The following HECW1 variants were observed in gnomAD, a reference collection of about 807,000 sequenced individuals.
HECW1 encodes the protein E3 ubiquitin-protein ligase HECW1.
In HECW1, 61 loss-of-function variants were observed where a neutral mutation model predicts 182.3. That is an observed-to-expected ratio of 0.33 (90% CI 0.27 to 0.41). The LOEUF is 0.41. Among genes scored for constraint, HECW1 ranks in the 10% least tolerant of loss-of-function variants. The pLI, the probability that HECW1 is intolerant of heterozygous loss-of-function variation, is 1.00. For synonymous variants in HECW1, 859 were observed against 832.6 expected (o/e 1.03, Z -0.55); for missense variants, 1,739 against 2,108.9 (o/e 0.82, Z 3.44).
chr7:43,463,270 G>T (rs562508591), intron 13 of HECW1, among the ~76,000 whole-genome samples: 1 of 152,320 alleles, frequency 6.6e-6, no homozygotes, highest in African/African-American at 2.4e-5. Context: ...TGCTAGCCCA[G>T]TTTGTACACT....
chr7:43,293,219 CAAAAAAA>C (rs34748611), intron 3 of HECW1, among the ~76,000 whole-genome samples: 1 of 76,590 alleles, frequency 1.3e-5, no homozygotes, highest in African/African-American at 4.3e-5. Flanking sequence ...GACTATGTCT[CAAAAAAA>C]AAAAAAAAAA....
intron 2 of HECW1, among the ~76,000 whole-genome samples, chr7:43,169,843 T>G (rs1791500979): frequency 6.6e-6 from 1 of 152,120 alleles, no homozygotes; most frequent in Non-Finnish European, 1.5e-5. Flanking sequence ...CATCTCATCT[T>G]CCTCCTCATG....
intron 16 of HECW1, among the ~76,000 whole-genome samples, chr7:43,478,247 TCTGTA>T (rs1476103715): frequency 1.3e-5 from 2 of 152,054 alleles, no homozygotes; most frequent in Non-Finnish European, 2.9e-5. Flanking sequence ...AGAAACCCCA[TCTGTA>T]CTAAAAATAC....
At chr7:43,355,510 A>ATAAG (rs985698674) in intron 5 of HECW1, among the ~76,000 whole-genome samples, 33 of 150,824 alleles carry the variant, frequency 2.2e-4, no homozygotes, top group Non-Finnish European at 4.0e-4. Flanking sequence ...GTGATCTAAG[A>ATAAG]TAAGTTGTCA....
chr7:43,252,812 T>G (rs1800174855), intron 3 of HECW1, among the ~76,000 whole-genome samples: 1 of 152,254 alleles, frequency 6.6e-6, no homozygotes, highest in Non-Finnish European at 1.5e-5. Context: ...GAAAGTAGTC[T>G]TGCAGTGTAG....
At chr7:43,530,429 TA>T (rs1280056656) in intron 24 of HECW1, among the ~76,000 whole-genome samples, 1 of 152,094 alleles carries the variant, frequency 6.6e-6, no homozygotes, top group African/African-American at 2.4e-5. Flanking sequence ...TGAAAAAATT[TA>T]ATATACATAA....
intron 6 of HECW1, among the ~76,000 whole-genome samples, chr7:43,389,851 T>C: frequency 6.6e-6 from 1 of 152,066 alleles, no homozygotes; most frequent in East Asian, 1.9e-4. Flanking sequence ...CAGGCTGATT[T>C]TGAACTCCTG....
At chr7:43,117,580 T>G (rs2152596031) in intron 2 of HECW1, among the ~76,000 whole-genome samples, 1 of 152,354 alleles carries the variant, frequency 6.6e-6, no homozygotes, top group Non-Finnish European at 1.5e-5. Context: ...CGATATTGTT[T>G]ATCGTTTACG....
At chr7:43,341,817 CT>C (rs1813037389) in intron 5 of HECW1, among the ~76,000 whole-genome samples, 1 of 151,720 alleles carries the variant, frequency 6.6e-6, no homozygotes, top group Non-Finnish European at 1.5e-5. Flanking sequence ...AAAATTTTGA[CT>C]GTCAATATGA....
At chr7:43,462,202 C>T (rs1257850741) in intron 13 of HECW1, among the ~76,000 whole-genome samples, 1 of 151,998 alleles carries the variant, frequency 6.6e-6, no homozygotes, top group African/African-American at 2.4e-5. Flanking sequence ...TCCTCCTCTT[C>T]ACCCCCTCCC....
intron 5 of HECW1, among the ~76,000 whole-genome samples, chr7:43,336,359 G>A (rs1812291135): frequency 6.6e-6 from 1 of 151,566 alleles, no homozygotes; most frequent in Admixed American, 6.6e-5. Context: ...TTTAGAGATG[G>A]GGTCTTACTA....
intron 26 of HECW1, among the ~76,000 whole-genome samples, chr7:43,542,642 A>G (rs1415478713): frequency 3.3e-5 from 5 of 152,200 alleles, no homozygotes; most frequent in Non-Finnish European, 2.9e-5. Context: ...TCATGCTGCT[A>G]TGAACATGAG....
intron 26 of HECW1, among the ~76,000 whole-genome samples, chr7:43,546,406 TC>T (rs2081565039): frequency 6.6e-6 from 1 of 152,034 alleles, no homozygotes; most frequent in Non-Finnish European, 1.5e-5. Context: ...GCATAACTTT[TC>T]CAGAATTTCA....
intron 29 of HECW1, among the ~76,000 whole-genome samples, chr7:43,560,065 A>T (rs2082158855): frequency 1.3e-5 from 2 of 152,122 alleles, no homozygotes; most frequent in Admixed American, 1.3e-4. Flanking sequence ...GAGGAAGAAA[A>T]CTATGAAGAT....
intron 6 of HECW1, among the ~76,000 whole-genome samples, chr7:43,394,838 T>C (rs952732072): frequency 3.3e-5 from 5 of 152,232 alleles, no homozygotes; most frequent in Non-Finnish European, 7.3e-5. Context: ...AGTTTATTAT[T>C]ACTCAAATCC....
chr7:43,194,654 C>T (rs1794255745), intron 2 of HECW1, among the ~76,000 whole-genome samples: 1 of 151,872 alleles, frequency 6.6e-6, no homozygotes, highest in African/African-American at 2.4e-5. Flanking sequence ...TGGATTCAAC[C>T]AGGAAAATGC....
At chr7:43,131,276 T>G (rs962385343) in intron 2 of HECW1, among the ~76,000 whole-genome samples, 2 of 152,130 alleles carry the variant, frequency 1.3e-5, no homozygotes, top group Non-Finnish European at 2.9e-5. Flanking sequence ...AAAAAAAATT[T>G]TTTTTGTATT....
intron 6 of HECW1, among the ~76,000 whole-genome samples, chr7:43,371,387 C>T (rs559643765): frequency 1.3e-5 from 2 of 152,182 alleles, no homozygotes; most frequent in East Asian, 1.9e-4. Flanking sequence ...GGAGGCTGTG[C>T]GTGTGTGGGG....
Position 43,444,759 on chromosome 7 carries a change from G to C in HECW1, c.1587G>C (p.Lys529Asn), listed in dbSNP as rs752935803. The C allele has an allele frequency of 6.2e-7, 1 of 1,613,936 alleles. No homozygotes were observed. The highest frequency in any genetic ancestry group is 8.5e-7 in the Non-Finnish European group (1 of 1,179,998). Residue 529 changes from lysine to asparagine, a missense_variant, in exon 11 of 30, where the codon AAG (lysine) becomes AAC (asparagine). This residue lies in a region of HECW1 where 971 missense variants were observed against 1,029.1 expected (regional missense o/e 0.94). Coordinates refer to ENST00000395891, the MANE Select transcript of HECW1 (RefSeq NM_015052.5). The surrounding 1 kb of genome is among the most constrained non-coding windows in gnomAD (Gnocchi z 4.3). ...EGRLQLRASV[K>N]RKSRPCSLPV... ...GGCTGCAGCTGCGGGCCTCGGTGAA[G>C]AGAAAAAGCAGGCCCTGCTCCTTGC... is the stretch of plus-strand genomic sequence containing the variant.
Sources: allele counts gnomAD v4.1 joint callset (sites outside exome capture counted in the v4.1 genomes callset), GRCh38; gene constraint gnomAD v4.1.1; regional missense constraint gnomAD v4.1.1; non-coding constraint Gnocchi (gnomAD v3.1); transcripts MANE v1.5; gene names NCBI Gene and HGNC (gene_info 2026-07-23, HGNC 2026-07-21).